Variants in C14orf39 observed in about 807,000 individuals in gnomAD.
C14orf39 encodes the protein chromosome 14 open reading frame 39, also known as protein SIX6OS1.
C14orf39 carries 66 observed loss-of-function variants against 85.6 expected under a neutral mutation model. The ratio of observed to expected loss-of-function variants is 0.77; its 90% CI spans 0.63 to 0.95. The LOEUF is 0.95. Ranked by LOEUF, C14orf39 falls within the 40% of genes least tolerant of loss-of-function variation. The pLI, the probability that C14orf39 is intolerant of heterozygous loss-of-function variation, is 0.00. For synonymous variants in C14orf39, 242 were observed against 214.0 expected (o/e 1.13, Z -1.14); for missense variants, 735 against 663.9 (o/e 1.11, Z -1.18).
At chr14:60,473,781 T>C in intron 5 of C14orf39, among the ~76,000 whole-genome samples, 1 of 152,218 alleles carries the variant, frequency 6.6e-6, no homozygotes. Flanking sequence ...TTGGTACCAG[T>C]ACCATGTTGT....
chr14:60,490,300 A>T (rs1253998625), upstream of C14orf39, among the ~76,000 whole-genome samples: 1 of 152,100 alleles, frequency 6.6e-6, no homozygotes, highest in African/African-American at 2.4e-5. Flanking sequence ...AGCAAAGGTG[A>T]AATTTGTTTG....
At chr14:60,445,326 A>C (rs1890711686) in intron 16 of C14orf39, among the ~76,000 whole-genome samples, 1 of 152,226 alleles carries the variant, frequency 6.6e-6, no homozygotes, top group South Asian at 2.1e-4. Context: ...GACCCATCTT[A>C]CATGCAGAGA....
At chr14:60,442,759 A>T (rs960503855) in intron 16 of C14orf39, among the ~76,000 whole-genome samples, 1 of 152,164 alleles carries the variant, frequency 6.6e-6, no homozygotes. Context: ...GTCACATGTG[A>T]ATAAACACTG....
chr14:60,510,875 T>C (rs1893280833), intron 1 of C14orf39, among the ~76,000 whole-genome samples: 1 of 152,226 alleles, frequency 6.6e-6, no homozygotes, highest in Non-Finnish European at 1.5e-5. Context: ...GCGCGAATCA[T>C]GGTGGGGCAC....
chr14:60,511,627 T>A, intron 1 of C14orf39: 1 of 383,924 alleles, frequency 2.6e-6, no homozygotes, highest in Non-Finnish European at 4.9e-6. Context: ...ACTTTCGCTT[T>A]AAAGTTTTTT....
chr14:60,497,445 T>G (rs1893084211), intron 2 of C14orf39, among the ~76,000 whole-genome samples: 2 of 152,198 alleles, frequency 1.3e-5, no homozygotes, highest in African/African-American at 4.8e-5. Flanking sequence ...AGCAACAGTT[T>G]GTCATAATGA....
intron 10 of C14orf39, among the ~76,000 whole-genome samples, chr14:60,466,594 C>T (rs1408006220): frequency 6.6e-6 from 1 of 151,836 alleles, no homozygotes; most frequent in Non-Finnish European, 1.5e-5. Context: ...CTTTTACCTG[C>T]CTAAGTCACA....
In C14orf39 at chr14:60,484,909, A is replaced by G; in HGVS notation, c.78T>C (p.Thr26=). The G allele has an allele frequency of 6.4e-7, 1 of 1,568,162 alleles. No homozygotes were observed. Among genetic ancestry groups the G allele is most frequent in the South Asian group, 1.2e-5 (1 of 85,592 alleles). Residue 26 remains threonine, a synonymous_variant, in exon 3 of 18, where the codon ACT becomes ACC. Transcript: ENST00000321731. This position sits in a 1 kb window ranked among gnomAD's most constrained non-coding sequence, Gnocchi z 4.2. ...TAATTCTTTGAATCATCTCTTCTTT[A>G]GTACTTATGTCTTGCTCATACTGGA... ...FVFQYEQDIS[T]KEEMIQRINK... is the part of the protein sequence containing the mutation.
chr14:60,469,340 AAAATTAATAAAAAATAT>A (rs1462122679), intron 8 of C14orf39, among the ~76,000 whole-genome samples, 176 bp downstream of exon 8: 3 of 147,934 alleles, frequency 2.0e-5, no homozygotes, highest in Non-Finnish European at 4.5e-5. Context: ...ATATATTAAT[AAAATTAATAAAAAATAT>A]AAATTAATAT....
chr14:60,439,099 A>T (rs919929465), intron 17 of C14orf39, among the ~76,000 whole-genome samples: 11 of 152,250 alleles, frequency 7.2e-5, no homozygotes, highest in African/African-American at 2.7e-4. Flanking sequence ...GTCTGAGGTG[A>T]TGGATATTCC....
chr14:60,509,841 T>C (rs1893263614), intron 1 of C14orf39: 1 of 1,613,880 alleles, frequency 6.2e-7, no homozygotes, highest in African/African-American at 1.3e-5. Context: ...GAGTGGTACC[T>C]GCAGGATCCA....
intron 7 of C14orf39, 39 bp from the exon 8 acceptor site, chr14:60,469,692 T>A (rs1366008712): frequency 4.6e-6 from 4 of 863,296 alleles, no homozygotes; most frequent in Non-Finnish European, 6.6e-6. Flanking sequence ...AAGTAAATTT[T>A]ATATTTATAA....
upstream of C14orf39, among the ~76,000 whole-genome samples, chr14:60,491,007 T>C (rs1892981803): frequency 1.3e-5 from 2 of 152,168 alleles, no homozygotes; most frequent in African/African-American, 4.8e-5. The surrounding 1 kb of genome is among the most constrained non-coding windows in gnomAD (Gnocchi z 4.5). Context: ...TAAAATACTT[T>C]CCAAACATAA....
At chr14:60,510,952 T>A in intron 1 of C14orf39, 1 of 922,110 alleles carries the variant, frequency 1.1e-6, no homozygotes, top group Non-Finnish European at 1.7e-6. Context: ...TGCCGAGTAA[T>A]CCTCGCCTTA....
intron 16 of C14orf39, among the ~76,000 whole-genome samples, chr14:60,442,697 A>G (rs962343830): frequency 1.3e-5 from 2 of 152,190 alleles, no homozygotes; most frequent in Non-Finnish European, 2.9e-5. Flanking sequence ...AGTTTCAACC[A>G]TCCTTTAATA....
intron 8 of C14orf39, 36 bp downstream of exon 8, chr14:60,469,496 TA>T (rs1891962765): frequency 1.1e-6 from 1 of 947,848 alleles, no homozygotes; most frequent in Non-Finnish European, 1.5e-6. Flanking sequence ...ACTTATACAT[TA>T]ATACACATAT....
upstream of C14orf39, among the ~76,000 whole-genome samples, chr14:60,488,647 CT>C (rs1037820834): frequency 2.6e-5 from 4 of 152,080 alleles, no homozygotes; most frequent in African/African-American, 9.7e-5. Flanking sequence ...CCTTTTCTTC[CT>C]TTTATTGCTT....
At chr14:60,471,340 G>A in intron 7 of C14orf39, 77 bp downstream of exon 7, 21 of 1,111,416 alleles carry the variant, frequency 1.9e-5, no homozygotes, top group South Asian at 3.1e-5. Context: ...TTCTCACAAA[G>A]GAAACACAGT....
intron 1 of C14orf39, among the ~76,000 whole-genome samples, chr14:60,506,170 T>C (rs1037468801): frequency 1.4e-4 from 21 of 152,166 alleles, no homozygotes; most frequent in African/African-American, 5.1e-4. Flanking sequence ...CCCAATCTAC[T>C]AGCTGCAAAC....
Sources: gnomAD v4.1 joint callset for allele counts (sites outside exome capture counted in the v4.1 genomes callset) on GRCh38, gnomAD v4.1.1 for gene constraint, Gnocchi (gnomAD v3.1) non-coding constraint, MANE v1.5 for transcripts, NCBI Gene and HGNC (gene_info 2026-07-23, HGNC 2026-07-21) for gene names.